Variants in LSM11 observed in about 807,000 individuals in gnomAD.
The protein encoded by LSM11 is LSM11, U7 small nuclear RNA associated.
A neutral mutation model predicts 28.1 loss-of-function variants in LSM11; 14 were observed. The ratio of observed to expected loss-of-function variants is 0.50; its 90% CI spans 0.33 to 0.78. The LOEUF (loss-of-function observed/expected upper bound fraction) is 0.78, where lower values mean the gene tolerates loss of function less well. Among genes scored for constraint, LSM11 ranks in the 30% least tolerant of loss-of-function variants. LSM11 has a pLI of 0.02. For synonymous variants in LSM11, 207 were observed against 214.2 expected (o/e 0.97, Z 0.30); for missense variants, 495 against 510.6 (o/e 0.97, Z 0.30).
rs755977103 is a variant in LSM11 at position 157,744,189 on chromosome 5, C to A, written c.439C>A (p.Arg147=). 6.8e-6 allele frequency: 9 copies of A among 1,315,576 alleles called. No homozygotes were observed. In the South Asian group the frequency reaches 1.4e-4, roughly 21 times the overall value. 81.5% of individuals were successfully genotyped at this position (1,315,576 alleles called of 1,614,324 possible). A position where few individuals can be genotyped will look rare whatever the true frequency, so the allele number is the denominator to read the frequency against. ...SRKAPRNVLT[R]MPLHEGSPLG... is the part of the protein sequence containing the mutation. ...GAAGGCGCCACGCAACGTGCTCACG[C>A]GAATGCCCTGTGAGTCCGCGGGCCG... The change falls in exon 1 of 4, where the codon CGA becomes AGA. Residue 147 remains arginine (R), a synonymous_variant. Coordinates refer to ENST00000286307, the MANE Select transcript of LSM11 (RefSeq NM_173491.4).
chr5:157,749,588 GCACA>G (rs200970813), intron 1 of LSM11, among the ~76,000 whole-genome samples: 9 of 142,286 alleles, frequency 6.3e-5, no homozygotes, highest in Admixed American at 1.4e-4. Context: ...GCGCACGCGC[GCACA>G]CACACACACA....
Position 157,757,988 on chromosome 5 carries a change from C to T in LSM11, c.*2724C>T, listed in dbSNP as rs1397452312. The T allele has an allele frequency of 6.6e-6, 1 of 151,928 alleles. No individual in the cohort carries two copies. Among genetic ancestry groups the T allele is most frequent in the Admixed American group, 6.6e-5 (1 of 15,248 alleles). The allele number at this position is 151,928 out of a possible 1,614,324, so 9.4% of individuals were successfully genotyped here. The stretch of plus-strand genomic sequence containing the variant: ...GATCTATTTTATGTGCTCTATGTTC[C>T]CATTTGTTTGTTTGGTCTGGACAGT... On this transcript the variant is annotated 3_prime_UTR_variant, in exon 4 of 4. Transcript: ENST00000286307.
intron 1 of LSM11, among the ~76,000 whole-genome samples, chr5:157,748,009 G>C (rs1761172512): frequency 6.6e-6 from 1 of 152,066 alleles, no homozygotes; most frequent in Non-Finnish European, 1.5e-5. Flanking sequence ...GTGTGTGTGT[G>C]TGTGTGTGTG....
At chr5:157,752,843 CAAAAAAAAA>C (rs553164268) in intron 2 of LSM11, among the ~76,000 whole-genome samples, 15 of 103,310 alleles carry the variant, frequency 1.5e-4, no homozygotes, top group Non-Finnish European at 2.6e-4. Flanking sequence ...GAGACTCTGT[CAAAAAAAAA>C]AAAAAAAAAA....
Position 157,754,813 on chromosome 5 carries a change from G to C in LSM11, c.673-41G>C, listed in dbSNP as rs747894978. 5.8e-6 allele frequency: 9 copies of C among 1,556,108 alleles called. No homozygotes were observed. The African/African-American group carries it at 1.2e-4, about 21-fold the overall frequency. On this transcript the variant is annotated intron_variant, in intron 3 of 3. Transcript: ENST00000286307. Reference sequence around the variant, plus strand: ...TGTATGTTGAAAGAGGGTGATGAAGGCTAAAGAGAAGGCTAATATTTATCA... The same window carrying C: ...TGTATGTTGAAAGAGGGTGATGAAGCCTAAAGAGAAGGCTAATATTTATCA...
intron 1 of LSM11, among the ~76,000 whole-genome samples, chr5:157,750,148 G>C (rs953682187): frequency 1.2e-4 from 19 of 152,194 alleles, no homozygotes; most frequent in Admixed American, 6.5e-4. Flanking sequence ...CTACTCAGTG[G>C]GTTGAGCTAG....
chr5:157,744,174 C>T lies in LSM11; in HGVS notation c.424C>T (p.Arg142Cys). Residue 142 changes from arginine to cysteine, a missense_variant, in exon 1 of 4, where the codon CGC becomes TGC. Coordinates refer to ENST00000286307, the MANE Select transcript of LSM11 (RefSeq NM_173491.4). ...TCCGGGTCGGAGCAGGAAGGCGCCA[C>T]GCAACGTGCTCACGCGAATGCCCTG... ...RGPGRSRKAP[R>C]NVLTRMPLHE... The T allele has an allele frequency of 1.5e-6, 2 of 1,366,052 alleles. No individual in the cohort carries two copies. The highest frequency in any genetic ancestry group is 3.0e-5 in the East Asian group (1 of 33,240). The allele number at this position is 1,366,052 out of a possible 1,614,324, so 84.6% of individuals were successfully genotyped here.
rs1014647885 is a variant in LSM11, at chr5:157,760,091, C to T, written c.*4827C>T. 6.6e-6 allele frequency: 1 copy of T among 152,146 alleles called. No homozygotes were observed. Among genetic ancestry groups the T allele is most frequent in the African/African-American group, 2.4e-5 (1 of 41,408 alleles). 9.4% of individuals were successfully genotyped at this position (152,146 alleles called of 1,614,324 possible). On this transcript the variant is annotated 3_prime_UTR_variant, in exon 4 of 4. Coordinates refer to ENST00000286307, the MANE Select transcript of LSM11 (RefSeq NM_173491.4). ...TGATAACCTACCAGAGTTAGTGCTTCTTTAAAAACACTCCTTGGAAAGATG... is the reference window on the plus strand; with the variant it reads ...TGATAACCTACCAGAGTTAGTGCTTTTTTAAAAACACTCCTTGGAAAGATG...
intron 3 of LSM11, 37 bp downstream of exon 3, chr5:157,754,124 A>G: frequency 1.0e-5 from 14 of 1,378,758 alleles, no homozygotes; most frequent in Non-Finnish European, 1.3e-5. Flanking sequence ...AGTAGCCATC[A>G]TGCTTTCCAG....
chr5:157,746,943 T>G (rs949829744), intron 1 of LSM11, among the ~76,000 whole-genome samples: 35 of 152,114 alleles, frequency 2.3e-4, no homozygotes, highest in African/African-American at 8.5e-4. Context: ...AGGAGGCTGT[T>G]GCAATACTGG....
intron 1 of LSM11, 37 bp downstream of exon 1, chr5:157,744,235 C>T: frequency 2.4e-6 from 3 of 1,241,582 alleles, no homozygotes; most frequent in Non-Finnish European, 3.0e-6. Flanking sequence ...GGGGCAGCCG[C>T]CGTCCGGAAG....
rs1761099911 is a variant in LSM11 at position 157,743,794 on chromosome 5, G to A, written c.44G>A (p.Ser15Asn). ...ERGARSAGAG[S>N]PARPPSPRLD... ...GGGGCGAGGTCGGCTGGCGCCGGGA[G>A]CCCCGCGCGCCCGCCCAGCCCGCGG... Residue 15 changes from serine to asparagine, a missense_variant, in exon 1 of 4, where the codon AGC becomes AAC. Ser to Asn is a conservative substitution (Grantham distance 46). Transcript: ENST00000286307. The A allele has an allele frequency of 6.9e-7, 1 of 1,452,860 alleles. No homozygotes were observed. Among genetic ancestry groups the A allele is most frequent in the Non-Finnish European group, 9.0e-7 (1 of 1,106,318 alleles). The allele number at this position is 1,452,860 out of a possible 1,614,324, so 90.0% of individuals were successfully genotyped here. A position where few individuals can be genotyped will look rare whatever the true frequency, so the allele number is the denominator to read the frequency against.
Position 157,757,998 on chromosome 5 carries a change from G to C in LSM11, c.*2734G>C, listed in dbSNP as rs1048827906. ...ATGTGCTCTATGTTCCCATTTGTTT[G>C]TTTGGTCTGGACAGTGGTTCTGGAA... On this transcript the variant is annotated 3_prime_UTR_variant, in exon 4 of 4. Coordinates refer to ENST00000286307, the MANE Select transcript of LSM11 (RefSeq NM_173491.4). 2 of 152,086 alleles carry C rather than the reference G, an allele frequency of 1.3e-5. No homozygotes were observed. The highest frequency in any genetic ancestry group is 4.8e-5 in the African/African-American group (2 of 41,406). 9.4% of individuals were successfully genotyped at this position (152,086 alleles called of 1,614,324 possible).
rs114128849 is a variant in LSM11, at chr5:157,754,362, T to C, written c.672+275T>C. On this transcript the variant is annotated intron_variant, in intron 3 of 3. Coordinates refer to ENST00000286307, the MANE Select transcript of LSM11 (RefSeq NM_173491.4). ...CTTTATACCACAGAAATAAGCCTTT[T>C]CTCTTGACATATGTATTATGTGCAT... is the stretch of plus-strand genomic sequence containing the variant. Among the ~76,000 whole-genome samples the C allele has an allele frequency of 2.3e-3, 344 of 152,270 alleles. 1 individual carries two copies. The highest frequency in any genetic ancestry group is 0.014 in the Middle Eastern group (4 of 294).
intron 1 of LSM11, among the ~76,000 whole-genome samples, chr5:157,749,582 ACGCGCG>A (rs141020732): frequency 8.2e-6 from 1 of 121,892 alleles, no homozygotes; most frequent in African/African-American, 3.0e-5. Flanking sequence ...ACGCGCGCGC[ACGCGCG>A]CACACACACA....
At chr5:157,753,258 C>A (rs1297782995) in intron 2 of LSM11, among the ~76,000 whole-genome samples, 1 of 152,204 alleles carries the variant, frequency 6.6e-6, no homozygotes, top group Admixed American at 6.5e-5. Flanking sequence ...AAGATAATTT[C>A]TCTGAGCCTC....
At chr5:157,744,277 G>A (rs1581448442) in intron 1 of LSM11, 79 bp downstream of exon 1, 2 of 1,119,220 alleles carry the variant, frequency 1.8e-6, no homozygotes, top group African/African-American at 1.6e-5. Context: ...GCGGGGCGGC[G>A]GTGGCCGGGC....
chr5:157,755,800 G>C lies in LSM11; in HGVS notation c.*536G>C. On this transcript the variant is annotated 3_prime_UTR_variant, in exon 4 of 4. Transcript: ENST00000286307. The stretch of plus-strand genomic sequence containing the variant: ...ATATATTATCTTTGAATATCTACAA[G>C]GAAAGTTACCAACTTATGTAGGGGT... 1 of 401,294 alleles carries C rather than the reference G, an allele frequency of 2.5e-6. No individual in the cohort carries two copies. The allele number at this position is 401,294 out of a possible 1,614,324, so 24.9% of individuals were successfully genotyped here. A position where few individuals can be genotyped will look rare whatever the true frequency, so the allele number is the denominator to read the frequency against.
chr5:157,754,106 A>G lies in LSM11; in HGVS notation c.672+19A>G. 6.7e-7 allele frequency: 1 copy of G among 1,498,356 alleles called. No homozygotes were observed. Among genetic ancestry groups the G allele is most frequent in the African/African-American group, 1.4e-5 (1 of 70,234 alleles). The allele number at this position is 1,498,356 out of a possible 1,614,324, so 92.8% of individuals were successfully genotyped here. On this transcript the variant is annotated intron_variant, in intron 3 of 3. Transcript: ENST00000286307. Reference sequence around the variant, plus strand: ...CACTAGGGTAGGCAGTTTTCCCCTGACCTCCTGAGTAGCCATCATGCTTTC... The same window carrying G: ...CACTAGGGTAGGCAGTTTTCCCCTGGCCTCCTGAGTAGCCATCATGCTTTC...
Sources: allele counts gnomAD v4.1 joint callset (sites outside exome capture counted in the v4.1 genomes callset), GRCh38; gene constraint gnomAD v4.1.1; transcripts MANE v1.5; gene names NCBI Gene and HGNC (gene_info 2026-07-23, HGNC 2026-07-21).